Variants in CLPX observed in about 807,000 individuals in gnomAD.
The protein encoded by CLPX is caseinolytic mitochondrial matrix peptidase chaperone subunit X.
CLPX carries 34 observed loss-of-function variants against 76.4 expected under a neutral mutation model. The ratio of observed to expected loss-of-function variants is 0.45; its 90% CI spans 0.34 to 0.59. CLPX has a LOEUF of 0.59. Among genes scored for constraint, CLPX ranks in the 20% least tolerant of loss-of-function variants. CLPX has a pLI of 0.01. For synonymous variants in CLPX, 248 were observed against 270.9 expected, an observed-to-expected ratio of 0.92 and a Z score of 0.83; for missense variants, 613 against 757.0, an observed-to-expected ratio of 0.81 and a Z score of 2.23.
At position 65,182,887 on chromosome 15, in the gene CLPX, G is replaced by A. The variant is rs540152479; in HGVS notation, c.79+2188C>T. 1.8e-3 allele frequency among the ~76,000 whole-genome samples: 277 copies of A among 152,332 alleles called. 2 individuals carry two copies. Among genetic ancestry groups the A allele is most frequent in the South Asian group, 4.8e-3 (23 of 4,830 alleles). ...TTTTTAAAAAGAAATACTAGTCCGG[G>A]TGCGGTGGCTCAAGCCTGTAATCCT... On this transcript the variant is annotated intron_variant, in intron 1 of 13. Transcript: ENST00000300107.
intron 3 of CLPX, among the ~76,000 whole-genome samples, chr15:65,176,447 T>G (rs1408331358): frequency 6.6e-6 from 1 of 152,240 alleles, no homozygotes; most frequent in Admixed American, 6.5e-5. Flanking sequence ...TTAAACTTGC[T>G]AAATCTCAGT....
At chr15:65,163,952 A>G (rs1566981635) in intron 5 of CLPX, 77 bp downstream of exon 5, 5 of 1,319,282 alleles carry the variant, frequency 3.8e-6, no homozygotes, top group Non-Finnish European at 5.4e-6. Context: ...CATTTTAAGA[A>G]GAAAGTGAGG....
At chr15:65,170,744 T>C (rs938462459) in intron 3 of CLPX, among the ~76,000 whole-genome samples, 1 of 150,314 alleles carries the variant, frequency 6.7e-6, no homozygotes, top group African/African-American at 2.4e-5. Context: ...TACTCCAGCC[T>C]AGGCAACAGA....
chr15:65,165,178 A>G (rs1037071887), intron 4 of CLPX, among the ~76,000 whole-genome samples: 1 of 151,812 alleles, frequency 6.6e-6, no homozygotes, highest in African/African-American at 2.4e-5. Context: ...CTCTACAGAA[A>G]TTAGCTGGGC....
intron 6 of CLPX, among the ~76,000 whole-genome samples, chr15:65,161,100 G>A (rs2087851294): frequency 6.6e-6 from 1 of 152,138 alleles, no homozygotes; most frequent in South Asian, 2.1e-4. Flanking sequence ...ACAATACCTG[G>A]CAGATAGTTT....
intron 3 of CLPX, among the ~76,000 whole-genome samples, chr15:65,170,411 A>G (rs1289058113): frequency 6.6e-6 from 1 of 152,168 alleles, no homozygotes; most frequent in East Asian, 1.9e-4. Context: ...TGCACTAGCA[A>G]GCACACCTAC....
At chr15:65,166,893 G>T in intron 3 of CLPX, 108 bp from the exon 4 acceptor site, 1 of 1,073,608 alleles carries the variant, frequency 9.3e-7, no homozygotes, top group Non-Finnish European at 1.3e-6. Flanking sequence ...ACAAAAAGTA[G>T]ACTTGCTGTT....
chr15:65,169,332 C>T (rs549432758), intron 3 of CLPX, among the ~76,000 whole-genome samples: 5 of 152,310 alleles, frequency 3.3e-5, no homozygotes, highest in African/African-American at 9.6e-5. Context: ...AACTCCTGGA[C>T]TCGAGTAACC....
At chr15:65,180,437 C>T (rs1366012130) in intron 1 of CLPX, among the ~76,000 whole-genome samples, 1 of 152,054 alleles carries the variant, frequency 6.6e-6, no homozygotes, top group Non-Finnish European at 1.5e-5. Flanking sequence ...CTGTATGTGT[C>T]CTTTGGAAAT....
Position 65,149,482 on chromosome 15 carries a change from T to A in CLPX, c.*1341A>T. The A allele has an allele frequency of 2.8e-6, 1 of 359,932 alleles. No homozygotes were observed. Among genetic ancestry groups the A allele is most frequent in the Admixed American group, 3.8e-5 (1 of 26,658 alleles). 22.3% of individuals were successfully genotyped at this position (359,932 alleles called of 1,614,324 possible). A position where few individuals can be genotyped will look rare whatever the true frequency, so the allele number is the denominator to read the frequency against. ...ACAGCGAGACTCTGTCTCAAAAAAA[T>A]AAAATAAAATAGATATATAACTTTC... is the stretch of plus-strand genomic sequence containing the variant. On this transcript the variant is annotated 3_prime_UTR_variant, in exon 14 of 14. Coordinates refer to ENST00000300107, the MANE Select transcript of CLPX (RefSeq NM_006660.5).
chr15:65,162,558 T>A, intron 6 of CLPX, 46 bp downstream of exon 6: 1 of 1,319,892 alleles, frequency 7.6e-7, no homozygotes, highest in Non-Finnish European at 1.1e-6. Flanking sequence ...CTGAAATAAA[T>A]GTCAAAAGGA....
chr15:65,176,645 G>C (rs1192305877), intron 3 of CLPX, among the ~76,000 whole-genome samples: 1 of 147,390 alleles, frequency 6.8e-6, no homozygotes, highest in Admixed American at 6.9e-5. Context: ...TCCCAGGCTA[G>C]AGTGCAGTGG....
At position 65,155,692 on chromosome 15, in the gene CLPX, C is replaced by T; in HGVS notation, c.1311G>A (p.Lys437=). 6 of 1,610,074 alleles carry T rather than the reference C, an allele frequency of 3.7e-6. No individual in the cohort carries two copies. Among genetic ancestry groups the T allele is most frequent in the Non-Finnish European group, 5.1e-6 (6 of 1,177,846 alleles). The change falls in exon 10 of 14, where the codon AAG becomes AAA. Residue 437 remains lysine, a splice_region_variant and synonymous_variant. Transcript: ENST00000300107. ...DRIISRRKNE[K]YLGFGTPSNL... is the part of the protein sequence containing the mutation. Reference sequence around the variant, plus strand: ...CTAGTAACCCCTCAGAAAAACTTACCTTTTCATTTTTCCTCCTGCTGATGA... The same window carrying T: ...CTAGTAACCCCTCAGAAAAACTTACTTTTTCATTTTTCCTCCTGCTGATGA...
Position 65,152,431 on chromosome 15 carries a change from G to A in CLPX, c.1810C>T (p.Arg604Trp), listed in dbSNP as rs775502558. 11 of 1,471,886 alleles carry A rather than the reference G, an allele frequency of 7.5e-6. No homozygotes were observed. The highest frequency in any genetic ancestry group is 2.1e-5 in the Admixed American group (1 of 47,800). The allele number at this position is 1,471,886 out of a possible 1,614,324, so 91.2% of individuals were successfully genotyped here. A position where few individuals can be genotyped will look rare whatever the true frequency, so the allele number is the denominator to read the frequency against. ...VEGKKEPGYI[R>W]APTKESSEEE... ...TTCTGGCTTGAAAATACACTTTACCGGATGTATCCTGGTTCCTTTTTTCCT... is the reference window on the plus strand; with the variant it reads ...TTCTGGCTTGAAAATACACTTTACCAGATGTATCCTGGTTCCTTTTTTCCT... The change falls in exon 13 of 14, where the codon CGG becomes TGG. Residue 604 changes from arginine (R) to tryptophan (W), a missense_variant and splice_region_variant. By Grantham distance (101) the Arg-to-Trp change is moderately radical (BLOSUM62 -3). Transcript: ENST00000300107.
At chr15:65,174,619 T>C (rs561067556) in intron 3 of CLPX, among the ~76,000 whole-genome samples, 7 of 152,276 alleles carry the variant, frequency 4.6e-5, no homozygotes, top group South Asian at 2.1e-4. Context: ...ATATGAATGA[T>C]GATATCTCAA....
chr15:65,178,864 A>G (rs2088124685), intron 3 of CLPX, 70 bp downstream of exon 3: 1 of 850,116 alleles, frequency 1.2e-6, no homozygotes, highest in Non-Finnish European at 1.9e-6. Flanking sequence ...CATAATTTAC[A>G]TATTTTTATA....
chr15:65,157,024 G>A, intron 8 of CLPX, 92 bp from the exon 9 acceptor site: 4 of 735,666 alleles, frequency 5.4e-6, no homozygotes, highest in Non-Finnish European at 9.0e-6. Context: ...AGAGAACAAA[G>A]TTATTTGATC....
At chr15:65,161,626 G>A (rs2087857430) in intron 6 of CLPX, among the ~76,000 whole-genome samples, 1 of 151,984 alleles carries the variant, frequency 6.6e-6, no homozygotes, top group Admixed American at 6.6e-5. Flanking sequence ...TACTAATTTA[G>A]TATAGGTTAA....
chr15:65,179,417 T>G (rs917786532), intron 2 of CLPX, among the ~76,000 whole-genome samples: 12 of 152,320 alleles, frequency 7.9e-5, no homozygotes, highest in Non-Finnish European at 1.6e-4. Flanking sequence ...CTGACTATTC[T>G]TAGATCTAAC....
Sources: gnomAD v4.1 joint callset for allele counts (sites outside exome capture counted in the v4.1 genomes callset) on GRCh38, gnomAD v4.1.1 for gene constraint, MANE v1.5 for transcripts, NCBI Gene and HGNC (gene_info 2026-07-23, HGNC 2026-07-21) for gene names.